CIAPIN1: variants seen among roughly 807,000 people sequenced by gnomAD.
CIAPIN1 encodes the protein anamorsin.
In CIAPIN1, 18 loss-of-function variants were observed where a neutral mutation model predicts 34.3. That is an observed-to-expected ratio of 0.52 (90% CI 0.36 to 0.78). CIAPIN1 has a LOEUF of 0.78. Among genes scored for constraint, CIAPIN1 ranks in the 30% least tolerant of loss-of-function variants. The probability of loss-of-function intolerance (pLI) is 0.00; values close to 1 mark genes in which losing one functional copy is unlikely to be tolerated. For missense variants in CIAPIN1, 310 were observed against 372.5 expected (o/e 0.83, Z 1.38); for synonymous variants, 131 against 140.4 (o/e 0.93, Z 0.47).
chr16:57,441,782 T>C (rs183113453), intron 1 of CIAPIN1, among the ~76,000 whole-genome samples: 1 of 152,200 alleles, frequency 6.6e-6, no homozygotes, highest in Non-Finnish European at 1.5e-5. Flanking sequence ...GATACTTAGG[T>C]GAGTATATAA....
chr16:57,443,117 C>G (rs223852), intron 1 of CIAPIN1, among the ~76,000 whole-genome samples: 24,612 of 143,996 alleles, frequency 0.17, 2,714 homozygotes, highest in African/African-American at 0.31. Flanking sequence ...ATTAAAAAGA[C>G]AATAATTCTG....
intron 6 of CIAPIN1, 95 bp from the exon 7 acceptor site, chr16:57,431,361 A>G: frequency 1.3e-6 from 1 of 742,988 alleles, no homozygotes; most frequent in South Asian, 1.8e-5. Context: ...CTTGGAGTCC[A>G]GGGTAAAGAA....
At position 57,430,300 on chromosome 16, in the gene CIAPIN1, T is replaced by C. The variant is rs1423932837; in HGVS notation, c.786A>G (p.Ser262=). The C allele has an allele frequency of 6.8e-6, 11 of 1,614,242 alleles. No individual in the cohort carries two copies. The highest frequency in any genetic ancestry group is 9.3e-6 in the Non-Finnish European group (11 of 1,180,042). The change falls in exon 8 of 9, where the codon TCA becomes TCG. Residue 262 remains serine (S), a synonymous_variant. Transcript: ENST00000394391. Reference sequence around the variant, plus strand: ...TGGGTTGGGAGCTCATCTGTTCCCTTGACTTCTCTTTTTCCAGTTCTTCGG... The same window carrying C: ...TGGGTTGGGAGCTCATCTGTTCCCTCGACTTCTCTTTTTCCAGTTCTTCGG... ...GLAEELEKEK[S]REQMSSQPKS...
In CIAPIN1 at chr16:57,431,182, C is replaced by T. The variant is rs1407716280; in HGVS notation, c.715G>A (p.Glu239Lys). Residue 239 changes from glutamate to lysine, a missense_variant, in exon 7 of 9, where the codon GAA becomes AAA. Physicochemically the swap from Glu to Lys is moderately conservative, Grantham distance 56. Transcript: ENST00000394391. ...PASLRAASCG[E>K]GKKRKACKNC... Reference sequence around the variant, plus strand: ...TTACAGGCCTTCCTCTTTTTCCCTTCCCCACAAGAAGCAGCCCGCAGGGAA... The same window carrying T: ...TTACAGGCCTTCCTCTTTTTCCCTTTCCCACAAGAAGCAGCCCGCAGGGAA... 6.2e-7 allele frequency: 1 copy of T among 1,613,506 alleles called. No homozygotes were observed. Among genetic ancestry groups the T allele is most frequent in the African/African-American group, 1.3e-5 (1 of 74,896 alleles).
intron 7 of CIAPIN1, 83 bp downstream of exon 7, chr16:57,431,068 C>T (rs2146555756): frequency 4.2e-6 from 3 of 720,174 alleles, no homozygotes; most frequent in East Asian, 2.6e-5. Flanking sequence ...AATGTATGTT[C>T]TAAAAATAGT....
intron 5 of CIAPIN1, 30 bp from the exon 6 acceptor site, chr16:57,432,590 C>T (rs775753235): frequency 7.6e-6 from 12 of 1,584,070 alleles, no homozygotes; most frequent in East Asian, 2.2e-5. Context: ...GAAAAAACTC[C>T]ATAAACACAG....
chr16:57,439,049 T>C (rs1903266693), intron 3 of CIAPIN1, 133 bp downstream of exon 3: 1 of 855,368 alleles, frequency 1.2e-6, no homozygotes, highest in Admixed American at 2.3e-5. Flanking sequence ...TTAACAATAA[T>C]TTATCCCCAA....
In CIAPIN1 at chr16:57,428,744, T is replaced by C. The variant is rs1211050124; in HGVS notation, c.*426A>G. The C allele has an allele frequency of 6.5e-6, 1 of 154,986 alleles. No individual in the cohort carries two copies. The highest frequency in any genetic ancestry group is 1.4e-5 in the Non-Finnish European group (1 of 70,032). 9.6% of individuals were successfully genotyped at this position (154,986 alleles called of 1,614,324 possible). ...GCCACTTGACTCGTGTCACAAAGAATGGAGTAAACTAACAACTCTGAAAGA... is the reference window on the plus strand; with the variant it reads ...GCCACTTGACTCGTGTCACAAAGAACGGAGTAAACTAACAACTCTGAAAGA... On this transcript the variant is annotated 3_prime_UTR_variant, in exon 9 of 9. Transcript: ENST00000394391.
intron 3 of CIAPIN1, among the ~76,000 whole-genome samples, chr16:57,437,262 T>C (rs1032381405): frequency 3.9e-5 from 6 of 152,208 alleles, no homozygotes; most frequent in South Asian, 2.1e-4. Flanking sequence ...AGAAACTGTA[T>C]ACTTCAGTTT....
Position 57,429,226 on chromosome 16 carries a change from C to A in CIAPIN1, c.883G>T (p.Ala295Ser). The change falls in exon 9 of 9, where the codon GCC becomes TCC. Residue 295 changes from alanine to serine, a missense_variant. Transcript: ENST00000394391. ...AGCACCTTTTCCCCAGGTTTGAAGG[C>A]TGGCATCCCAAGGTAGGGGCAGCTG... ...CASCPYLGMP[A>S]FKPGEKVLLS... The A allele has an allele frequency of 3.1e-6, 5 of 1,613,860 alleles. No individual in the cohort carries two copies. The highest frequency in any genetic ancestry group is 4.2e-6 in the Non-Finnish European group (5 of 1,180,012).
Position 57,429,125 on chromosome 16 carries a change from C to A in CIAPIN1, c.*45G>T. On this transcript the variant is annotated 3_prime_UTR_variant, in exon 9 of 9. Transcript: ENST00000394391. Reference sequence around the variant, plus strand: ...AGCCACCATGGTGGGATGTGAGGGACAGGAGTTGGCTGGAGGAGCAGATGG... The same window carrying A: ...AGCCACCATGGTGGGATGTGAGGGAAAGGAGTTGGCTGGAGGAGCAGATGG... 7.6e-7 allele frequency: 1 copy of A among 1,323,686 alleles called. No homozygotes were observed. The highest frequency in any genetic ancestry group is 1.1e-6 in the Non-Finnish European group (1 of 917,882). 82.0% of individuals were successfully genotyped at this position (1,323,686 alleles called of 1,614,324 possible).
At position 57,440,162 on chromosome 16, in the gene CIAPIN1, G is replaced by A. The variant is rs552107457; in HGVS notation, c.157+610C>T. Among the ~76,000 whole-genome samples the A allele has an allele frequency of 3.3e-5, 5 of 152,258 alleles. No individual in the cohort carries two copies. The East Asian group carries it at 9.7e-4, about 29-fold the overall frequency. ...TGGTTGCAGATAAGGGATGAAATAA[G>A]CCCTGGTCTCCCGTAGCACTCCCAG... On this transcript the variant is annotated intron_variant, in intron 2 of 8. Transcript: ENST00000394391.
chr16:57,439,107 G>T, intron 3 of CIAPIN1, 75 bp downstream of exon 3: 1 of 1,463,424 alleles, frequency 6.8e-7, no homozygotes. Flanking sequence ...GATACCTCCT[G>T]CTCACGGAGA....
intron 1 of CIAPIN1, among the ~76,000 whole-genome samples, chr16:57,442,514 A>C (rs2029891567): frequency 6.6e-6 from 1 of 152,114 alleles, no homozygotes. Context: ...TACAAAAATT[A>C]GCTGGGCGTG....
At position 57,430,312 on chromosome 16, in the gene CIAPIN1, T is replaced by C. The variant is rs756995424; in HGVS notation, c.774A>G (p.Glu258=). The C allele has an allele frequency of 6.2e-7, 1 of 1,614,234 alleles. No homozygotes were observed. The highest frequency in any genetic ancestry group is 1.1e-5 in the South Asian group (1 of 91,086). The change falls in exon 8 of 9, where the codon GAA becomes GAG. Residue 258 remains glutamate, a synonymous_variant. Coordinates refer to ENST00000394391, the MANE Select transcript of CIAPIN1 (RefSeq NM_020313.4). ...TCATCTGTTCCCTTGACTTCTCTTT[T>C]TCCAGTTCTTCGGCAAGGCCACAGG... The part of the protein sequence containing the change: ...NCTCGLAEEL[E]KEKSREQMSS...
chr16:57,439,897 G>A (rs545920389), intron 2 of CIAPIN1, among the ~76,000 whole-genome samples: 5 of 152,230 alleles, frequency 3.3e-5, no homozygotes, highest in African/African-American at 1.2e-4. Flanking sequence ...TAAACAATAC[G>A]ACATCTGCGC....
rs577761992 is a variant in CIAPIN1, at chr16:57,439,013, T to A, written c.310+169A>T. 2.0e-4 allele frequency among the ~76,000 whole-genome samples: 30 copies of A among 152,358 alleles called. No individual in the cohort carries two copies. In the Middle Eastern group the frequency reaches 0.01, roughly 52 times the overall value. ...ATAATGAGTCAGCCAAAGATTACAA[T>A]TTCTCCAGATATGTTGCTTCAGATT... is the stretch of plus-strand genomic sequence containing the variant. On this transcript the variant is annotated intron_variant, in intron 3 of 8. Coordinates refer to ENST00000394391, the MANE Select transcript of CIAPIN1 (RefSeq NM_020313.4).
intron 1 of CIAPIN1, among the ~76,000 whole-genome samples, chr16:57,442,876 C>T (rs748040576): frequency 7.1e-4 from 108 of 152,160 alleles, no homozygotes; most frequent in Non-Finnish European, 1.4e-3. Context: ...TAATCTGGCT[C>T]TACCTGTATC....
chr16:57,441,438 T>C (rs1248178416), intron 1 of CIAPIN1: 1 of 152,524 alleles, frequency 6.6e-6, no homozygotes, highest in Non-Finnish European at 1.5e-5. Context: ...ATACTGGTTA[T>C]TTTCCCTTTC....
Sources: allele counts gnomAD v4.1 joint callset (sites outside exome capture counted in the v4.1 genomes callset), GRCh38; gene constraint gnomAD v4.1.1; transcripts MANE v1.5; gene names NCBI Gene and HGNC (gene_info 2026-07-23, HGNC 2026-07-21).